The following SPHKAP variants were observed in gnomAD, a reference collection of about 807,000 sequenced individuals.
SPHKAP encodes SPHK1 interactor, AKAP domain containing, also known as A-kinase anchor protein SPHKAP.
SPHKAP carries 67 observed loss-of-function variants against 137.5 expected under a neutral mutation model. The ratio of observed to expected loss-of-function variants is 0.49; its 90% CI spans 0.40 to 0.60. SPHKAP has a LOEUF of 0.60. Ranked by LOEUF, SPHKAP falls within the 20% of genes least tolerant of loss-of-function variation. The probability of loss-of-function intolerance (pLI) is 0.00; values close to 1 mark genes in which losing one functional copy is unlikely to be tolerated. For missense variants in SPHKAP, 2,097 were observed against 2,069.3 expected (o/e 1.01, Z -0.26); for synonymous variants, 813 against 785.3 (o/e 1.04, Z -0.59).
chr2:228,170,601 G>A (rs909977232), intron 1 of SPHKAP, among the ~76,000 whole-genome samples: 5 of 151,980 alleles, frequency 3.3e-5, no homozygotes, highest in Non-Finnish European at 5.9e-5. Flanking sequence ...ACTCTCTGAA[G>A]GTTCAGATGA....
chr2:228,169,083 T>C (rs1171359717), intron 1 of SPHKAP, among the ~76,000 whole-genome samples: 1 of 152,054 alleles, frequency 6.6e-6, no homozygotes, highest in Non-Finnish European at 1.5e-5. Flanking sequence ...GAAGAAAAGT[T>C]TGAAGCCAGC....
intron 6 of SPHKAP, 119 bp downstream of exon 6, chr2:228,021,592 G>T: frequency 1.7e-6 from 2 of 1,196,486 alleles, no homozygotes; most frequent in Non-Finnish European, 2.4e-6. Context: ...TTAAAATTCA[G>T]CAAGTAAAGA....
intron 1 of SPHKAP, among the ~76,000 whole-genome samples, chr2:228,155,614 A>T (rs1016436809): frequency 6.6e-6 from 1 of 152,164 alleles, no homozygotes; most frequent in Non-Finnish European, 1.5e-5. Flanking sequence ...CATTATTAGG[A>T]CAATATAGCC....
intron 3 of SPHKAP, among the ~76,000 whole-genome samples, chr2:228,031,553 A>G (rs1266380525): frequency 6.6e-6 from 1 of 152,202 alleles, no homozygotes; most frequent in Non-Finnish European, 1.5e-5. Context: ...AGATCTGAGA[A>G]TGGGCAGACT....
chr2:228,132,843 C>A (rs373780605), intron 1 of SPHKAP, among the ~76,000 whole-genome samples: 66 of 126,286 alleles, frequency 5.2e-4, no homozygotes, highest in East Asian at 1.3e-3. Flanking sequence ...ACTAAAAATA[C>A]AAAAAAAAAA....
chr2:227,981,782 T>C lies in SPHKAP; in HGVS notation c.5038A>G (p.Lys1680Glu). 1 of 1,613,958 alleles carries C rather than the reference T, an allele frequency of 6.2e-7. No homozygotes were observed. The highest frequency in any genetic ancestry group is 8.5e-7 in the Non-Finnish European group (1 of 1,179,864). ...CCATCCTTCTGCTCCTCATGCATTT[T>C]GCAGTACTGGACAACTGCATGGAAG... ...DIFHAVVQYC[K>E]MHEEQKDGRL... The change falls in exon 12 of 12, where the codon AAA becomes GAA. Residue 1680 changes from lysine (K) to glutamate (E), a missense_variant. Lys to Glu is a moderately conservative substitution (Grantham distance 56). Coordinates refer to ENST00000392056, the MANE Select transcript of SPHKAP (RefSeq NM_001142644.2).
At chr2:228,012,349 A>C (rs959438572) in intron 7 of SPHKAP, among the ~76,000 whole-genome samples, 1 of 152,018 alleles carries the variant, frequency 6.6e-6, no homozygotes, top group Admixed American at 6.6e-5. Context: ...TTAATCCAGG[A>C]TTTCTAGGTG....
chr2:228,065,807 T>C (rs1212711040), intron 3 of SPHKAP, among the ~76,000 whole-genome samples: 1 of 152,230 alleles, frequency 6.6e-6, no homozygotes, highest in Admixed American at 6.5e-5. Context: ...CTTTTGGGTC[T>C]GTGGCAAGGC....
At chr2:228,111,128 G>T (rs1227616725) in intron 2 of SPHKAP, among the ~76,000 whole-genome samples, 1 of 152,030 alleles carries the variant, frequency 6.6e-6, no homozygotes, top group African/African-American at 2.4e-5. Context: ...GCAGAAAAAG[G>T]CTCTAAATCC....
At chr2:228,167,880 T>C (rs1460972003) in intron 1 of SPHKAP, among the ~76,000 whole-genome samples, 1 of 152,180 alleles carries the variant, frequency 6.6e-6, no homozygotes, top group East Asian at 1.9e-4. Flanking sequence ...TACTGTATGA[T>C]TTAATTCATT....
chr2:228,079,483 C>T (rs1343417882), intron 3 of SPHKAP, among the ~76,000 whole-genome samples: 1 of 152,198 alleles, frequency 6.6e-6, no homozygotes, highest in Non-Finnish European at 1.5e-5. Context: ...AGTGAGGTTC[C>T]AAGACCACTC....
At chr2:228,068,358 G>T (rs954371118) in intron 3 of SPHKAP, among the ~76,000 whole-genome samples, 4 of 148,184 alleles carry the variant, frequency 2.7e-5, no homozygotes, top group Non-Finnish European at 4.5e-5. Flanking sequence ...ATTCTCCACA[G>T]AAATAGAAAA....
At chr2:228,076,584 G>T (rs1697190807) in intron 3 of SPHKAP, among the ~76,000 whole-genome samples, 1 of 152,184 alleles carries the variant, frequency 6.6e-6, no homozygotes, top group Admixed American at 6.5e-5. Context: ...CCCTGCCCTA[G>T]AGATTGGTGG....
intron 2 of SPHKAP, among the ~76,000 whole-genome samples, chr2:228,113,742 T>G (rs1559180407): frequency 6.6e-6 from 1 of 151,766 alleles, no homozygotes; most frequent in Non-Finnish European, 1.5e-5. Flanking sequence ...TCCCTTTGCC[T>G]TTGGTAAACA....
At chr2:227,989,277 A>C (rs1192053298) in intron 11 of SPHKAP, among the ~76,000 whole-genome samples, 1 of 152,242 alleles carries the variant, frequency 6.6e-6, no homozygotes, top group Non-Finnish European at 1.5e-5. Flanking sequence ...AAAACAGGGC[A>C]CAGGGGCTTG....
At chr2:228,037,130 A>T (rs1299268025) in intron 3 of SPHKAP, among the ~76,000 whole-genome samples, 1 of 152,192 alleles carries the variant, frequency 6.6e-6, no homozygotes, top group Non-Finnish European at 1.5e-5. Flanking sequence ...TGTTATAGGC[A>T]TACTCACTCT....
chr2:228,105,777 C>T (rs1698325395), intron 3 of SPHKAP, among the ~76,000 whole-genome samples: 1 of 152,134 alleles, frequency 6.6e-6, no homozygotes, highest in Non-Finnish European at 1.5e-5. Flanking sequence ...TTGCCTGCCA[C>T]CATATGAGTT....
chr2:228,030,745 T>G (rs1182288299), intron 3 of SPHKAP, among the ~76,000 whole-genome samples: 3 of 152,026 alleles, frequency 2.0e-5, no homozygotes, highest in Non-Finnish European at 4.4e-5. Flanking sequence ...TTTTTACATT[T>G]TTGACTAACT....
chr2:228,145,901 G>A (rs767179178), intron 1 of SPHKAP, among the ~76,000 whole-genome samples: 3 of 152,048 alleles, frequency 2.0e-5, no homozygotes, highest in East Asian at 1.9e-4. Context: ...TGGCAAACTC[G>A]GGACCCCTCT....
Sources: allele counts gnomAD v4.1 joint callset (sites outside exome capture counted in the v4.1 genomes callset), GRCh38; gene constraint gnomAD v4.1.1; transcripts MANE v1.5; gene names NCBI Gene and HGNC (gene_info 2026-07-23, HGNC 2026-07-21).